CFAP46: variants seen among roughly 807,000 people sequenced by gnomAD.
CFAP46 encodes the protein cilia and flagella associated protein 46.
A neutral mutation model predicts 325.7 loss-of-function variants in CFAP46; 245 were observed. That is an observed-to-expected ratio of 0.75 (90% confidence interval 0.68 to 0.84). The LOEUF is 0.84. Among genes scored for constraint, CFAP46 ranks in the 40% least tolerant of loss-of-function variants. The pLI, the probability that CFAP46 is intolerant of heterozygous loss-of-function variation, is 0.00. For missense variants in CFAP46, 3,346 were observed against 3,543.0 expected, an observed-to-expected ratio of 0.94 and a Z score of 1.41; for synonymous variants, 1,523 against 1,495.9, an observed-to-expected ratio of 1.02 and a Z score of -0.42.
At chr10:132,893,004 T>C (rs1242614207) in intron 24 of CFAP46, among the ~76,000 whole-genome samples, 1 of 152,022 alleles carries the variant, frequency 6.6e-6, no homozygotes, top group Non-Finnish European at 1.5e-5. Flanking sequence ...GGAAAGGCCA[T>C]CTCCCAAGAG....
At chr10:132,816,037 G>A (rs967995938) in intron 50 of CFAP46, among the ~76,000 whole-genome samples, 2 of 152,148 alleles carry the variant, frequency 1.3e-5, no homozygotes, top group African/African-American at 4.8e-5. Context: ...ATCCATCGAT[G>A]TCCTTTTTTA....
chr10:132,921,869 G>A (rs1849727402), intron 13 of CFAP46, among the ~76,000 whole-genome samples: 2 of 152,238 alleles, frequency 1.3e-5, no homozygotes, highest in African/African-American at 4.8e-5. Context: ...AGCGGAGCCT[G>A]TGGGGTCTGT....
intron 55 of CFAP46, 112 bp from the exon 56 acceptor site, chr10:132,811,143 G>C: frequency 1.1e-6 from 1 of 905,760 alleles, no homozygotes; most frequent in Non-Finnish European, 1.7e-6. Flanking sequence ...ATGGCACGCT[G>C]GCCACTCAGC....
At chr10:132,910,469 G>C (rs1034659821) in intron 19 of CFAP46, among the ~76,000 whole-genome samples, 1 of 152,206 alleles carries the variant, frequency 6.6e-6, no homozygotes, top group Non-Finnish European at 1.5e-5. Flanking sequence ...GCAGTGACGG[G>C]CATGTGGGCT....
In CFAP46 at chr10:132,886,652, G is replaced by A. The variant is rs564222114; in HGVS notation, c.3305-693C>T. Among the ~76,000 whole-genome samples, 107 of 152,264 alleles carry A rather than the reference G, an allele frequency of 7.0e-4. No individual in the cohort carries two copies. The highest frequency in any genetic ancestry group is 1.1e-3 in the Non-Finnish European group (74 of 68,006). Reference sequence around the variant, plus strand: ...GCCCTGAAGAGACGGGGTGAACACAGGGCCGCATCCCTCACACATCCCCAG... The same window carrying A: ...GCCCTGAAGAGACGGGGTGAACACAAGGCCGCATCCCTCACACATCCCCAG... On this transcript the variant is annotated intron_variant, in intron 25 of 57. Coordinates refer to ENST00000368586, the MANE Select transcript of CFAP46 (RefSeq NM_001200049.3). The surrounding 1 kb of genome is among the most constrained non-coding windows in gnomAD (Gnocchi z 5.8).
chr10:132,817,882 C>T lies in CFAP46; in HGVS notation c.7118-2968G>A, dbSNP rs373926753. On this transcript the variant is annotated intron_variant, in intron 50 of 57. Transcript: ENST00000368586. This position sits in a 1 kb window ranked among gnomAD's most constrained non-coding sequence, Gnocchi z 4.4. ...GGGTCACAGTGAACGGCGTCGGCCG[C>T]GCTCTGCCTGGAGGCTCCCGGGGAG... Among the ~76,000 whole-genome samples the T allele has an allele frequency of 4.5e-4, 69 of 152,368 alleles. No individual in the cohort carries two copies. The highest frequency in any genetic ancestry group is 1.6e-3 in the African/African-American group (65 of 41,584).
intron 27 of CFAP46, among the ~76,000 whole-genome samples, chr10:132,883,214 A>T (rs1019361496): frequency 2.0e-5 from 3 of 152,214 alleles, no homozygotes; most frequent in Non-Finnish European, 2.9e-5. Flanking sequence ...AGAACGAGAA[A>T]GGGTTTGTAG....
chr10:132,864,515 T>C (rs1401236937), intron 35 of CFAP46, among the ~76,000 whole-genome samples: 1 of 118,784 alleles, frequency 8.4e-6, no homozygotes, highest in African/African-American at 3.2e-5. Flanking sequence ...TACACACACC[T>C]GCCCCCCTGC....
chr10:132,821,165 CTGTGCGCTGA>C (rs1847807153), intron 50 of CFAP46, among the ~76,000 whole-genome samples: 1 of 61,342 alleles, frequency 1.6e-5, no homozygotes, highest in Non-Finnish European at 3.1e-5. Flanking sequence ...TGTGTGCTGT[CTGTGCGCTGA>C]TGTGTGCTGT....
chr10:132,920,910 G>A (rs1462863374), intron 13 of CFAP46, among the ~76,000 whole-genome samples: 1 of 152,254 alleles, frequency 6.6e-6, no homozygotes. Flanking sequence ...AGTGAAAGGA[G>A]TCAGGAAGGC....
rs1156342068 is a variant in CFAP46 at position 132,876,890 on chromosome 10, G to A, written c.4284C>T (p.Ser1428=). The A allele has an allele frequency of 6.4e-7, 1 of 1,550,570 alleles. No homozygotes were observed. The highest frequency in any genetic ancestry group is 1.7e-4 in the Middle Eastern group (1 of 5,968). ...PMSIEEWASY[S]CPEEVLSVLK... ...GTACAGACAGCACTTCCTCGGGGCA[G>A]GAGTAGGAAGCCCACTCTTCTATGC... The change falls in exon 31 of 58, where the codon TCC becomes TCT. Residue 1428 remains serine, a synonymous_variant. Transcript: ENST00000368586. This position sits in a 1 kb window ranked among gnomAD's most constrained non-coding sequence, Gnocchi z 4.1.
Position 132,814,761 on chromosome 10 carries a change from C to T in CFAP46, c.7189-15G>A. On this transcript the variant is annotated splice_polypyrimidine_tract_variant and intron_variant, in intron 51 of 57. Transcript: ENST00000368586. Reference sequence around the variant, plus strand: ...GGGATGCTGCCCTGCAACCACAGACCAGGGTCAGCAGGTGCAGGGGCCAGG... The same window carrying T: ...GGGATGCTGCCCTGCAACCACAGACTAGGGTCAGCAGGTGCAGGGGCCAGG... 6.2e-7 allele frequency: 1 copy of T among 1,613,652 alleles called. No homozygotes were observed. Among genetic ancestry groups the T allele is most frequent in the South Asian group, 1.1e-5 (1 of 91,050 alleles).
At chr10:132,823,202 T>G (rs1345296819) in intron 50 of CFAP46, among the ~76,000 whole-genome samples, 1 of 131,586 alleles carries the variant, frequency 7.6e-6, no homozygotes, top group Non-Finnish European at 1.6e-5. Flanking sequence ...ATGTGTGCTG[T>G]GTGTGTGCTG....
intron 25 of CFAP46, among the ~76,000 whole-genome samples, chr10:132,887,398 TTC>T (rs200842803): frequency 0.036 from 3,051 of 83,932 alleles, 709 homozygotes; most frequent in African/African-American, 0.18. Context: ...CCTCTCTCGC[TTC>T]TCTCTCTCCT....
chr10:132,925,998 G>T (rs978574542), intron 10 of CFAP46, among the ~76,000 whole-genome samples: 1 of 152,218 alleles, frequency 6.6e-6, no homozygotes, highest in African/African-American at 2.4e-5. Context: ...TGAGGTTTCT[G>T]TTCATCTTTT....
intron 57 of CFAP46, among the ~76,000 whole-genome samples, 162 bp from the exon 58 acceptor site, chr10:132,809,066 G>A (rs1319480267): frequency 2.0e-5 from 3 of 151,424 alleles, no homozygotes; most frequent in Non-Finnish European, 2.9e-5. Context: ...CCCACCACCC[G>A]CACCCCTCCC....
rs1849576868 is a variant in CFAP46 at position 132,912,953 on chromosome 10, G to A, written c.2333+93C>T. ...CACGACCCTCCTCTGCTGGGACACAGAGGGCCATGGAGTGCAGCTGCCTGC... is the reference window on the plus strand; with the variant it reads ...CACGACCCTCCTCTGCTGGGACACAAAGGGCCATGGAGTGCAGCTGCCTGC... On this transcript the variant is annotated intron_variant, in intron 18 of 57. Coordinates refer to ENST00000368586, the MANE Select transcript of CFAP46 (RefSeq NM_001200049.3). 94 of 1,488,450 alleles carry A rather than the reference G, an allele frequency of 6.3e-5. 3 individuals carry two copies. In the South Asian group the frequency reaches 1.2e-3, roughly 19 times the overall value. The allele number at this position is 1,488,450 out of a possible 1,614,324, so 92.2% of individuals were successfully genotyped here.
chr10:132,929,623 G>T, intron 9 of CFAP46, 82 bp downstream of exon 9: 1 of 1,335,034 alleles, frequency 7.5e-7, no homozygotes, highest in Non-Finnish European at 1.1e-6. Context: ...CTGGTGAACT[G>T]CTCTTCCTTT....
At chr10:132,911,803 CCT>C (rs892911155) in intron 19 of CFAP46, among the ~76,000 whole-genome samples, 30 of 152,272 alleles carry the variant, frequency 2.0e-4, no homozygotes, top group African/African-American at 7.0e-4. Context: ...TGGTGTGGTC[CCT>C]GTTTCTCGCC....
Sources: gnomAD v4.1 joint callset for allele counts (sites outside exome capture counted in the v4.1 genomes callset) on GRCh38, gnomAD v4.1.1 for gene constraint, Gnocchi (gnomAD v3.1) non-coding constraint, MANE v1.5 for transcripts, NCBI Gene and HGNC (gene_info 2026-07-23, HGNC 2026-07-21) for gene names.